Variants in MACF1 observed in about 807,000 individuals in gnomAD.
MACF1 encodes microtubule actin crosslinking factor 1, also known as microtubule-actin cross-linking factor 1.
Under a neutral mutation model 854.8 loss-of-function variants are expected in MACF1, and 193 were observed. That is an observed-to-expected ratio of 0.23 (90% CI 0.20 to 0.25). MACF1 has a LOEUF of 0.25. Ranked by LOEUF, MACF1 falls within the 10% of genes least tolerant of loss-of-function variation. The pLI, the probability that MACF1 is intolerant of heterozygous loss-of-function variation, is 1.00. For missense variants in MACF1, 7,722 were observed against 8,929.1 expected (o/e 0.86, Z 5.45); for synonymous variants, 3,185 against 3,226.7 (o/e 0.99, Z 0.44).
In MACF1 at chr1:39,378,526, G is replaced by A. The variant is rs757054952; in HGVS notation, c.13276+3G>A. 8 of 1,613,498 alleles carry A rather than the reference G, an allele frequency of 5.0e-6. No individual in the cohort carries two copies. The highest frequency in any genetic ancestry group is 6.8e-6 in the Non-Finnish European group (8 of 1,179,444). On this transcript the variant is annotated splice_donor_region_variant and intron_variant, in intron 53 of 100. Transcript: ENST00000564288. ...AAACGGATACCACACCTGCAAAGGT[G>A]AGAATGCCATTTCAACAGTGCTTCT...
chr1:39,299,344 C>CA, intron 21 of MACF1: 1 of 453,570 alleles, frequency 2.2e-6, no homozygotes, highest in Non-Finnish European at 4.4e-6. Context: ...TCTTTACTCT[C>CA]ATCGCATCTA....
intron 2 of MACF1, among the ~76,000 whole-genome samples, chr1:39,120,597 C>T (rs376228364): frequency 8.6e-5 from 13 of 152,000 alleles, no homozygotes; most frequent in Non-Finnish European, 1.2e-4. Flanking sequence ...CTCCTGACCT[C>T]GTGATCTGCC....
chr1:39,218,771 ATT>A (rs57667395), intron 1 of MACF1, among the ~76,000 whole-genome samples: 17,437 of 151,948 alleles, frequency 0.11, 2,222 homozygotes, highest in African/African-American at 0.32. Context: ...AATAAGGTAA[ATT>A]TTTGTTTTGT....
intron 2 of MACF1, among the ~76,000 whole-genome samples, chr1:39,146,360 T>C (rs1643463503): frequency 6.6e-6 from 1 of 151,782 alleles, no homozygotes; most frequent in African/African-American, 2.4e-5. Context: ...GGAGAATTGC[T>C]TGAACCTGGA....
At chr1:39,366,181 A>G (rs190281205) in intron 49 of MACF1, among the ~76,000 whole-genome samples, 1 of 152,350 alleles carries the variant, frequency 6.6e-6, no homozygotes, top group Admixed American at 6.5e-5. Context: ...TTAGTTCTAG[A>G]GAAGTTAGCA....
intron 2 of MACF1, among the ~76,000 whole-genome samples, chr1:39,177,967 C>G (rs1233297434): frequency 6.6e-6 from 1 of 151,912 alleles, no homozygotes; most frequent in Non-Finnish European, 1.5e-5. Context: ...GTAGTTATTT[C>G]AATCAAGTTG....
chr1:39,387,396 G>A lies in MACF1; in HGVS notation c.14554G>A (p.Val4852Met). Residue 4852 changes from valine (V) to methionine (M), a missense_variant, in exon 58 of 101, where the codon GTG (valine) becomes ATG (methionine). Coordinates refer to ENST00000564288, the MANE Select transcript of MACF1 (RefSeq NM_001394062.1). Reference protein sequence around the residue: ...SLNQHSGSYEVIVAEGESLLL... With the variant: ...SLNQHSGSYEMIVAEGESLLL... ...TAATCAACACAGTGGCTCCTATGAG[G>A]TGATTGTGGCTGAAGGGGAATCTCT... 1.2e-6 allele frequency: 2 copies of A among 1,614,214 alleles called. No individual in the cohort carries two copies. Among genetic ancestry groups the A allele is most frequent in the Non-Finnish European group, 1.7e-6 (2 of 1,180,048 alleles).
At chr1:39,181,108 ACGT>A in intron 2 of MACF1, among the ~76,000 whole-genome samples, 1 of 152,210 alleles carries the variant, frequency 6.6e-6, no homozygotes, top group South Asian at 2.1e-4. Context: ...GGATTTTGCC[ACGT>A]TGTCCAGGCT....
chr1:39,454,322 G>A (rs566545129), intron 88 of MACF1, among the ~76,000 whole-genome samples: 2 of 152,288 alleles, frequency 1.3e-5, no homozygotes, highest in Non-Finnish European at 2.9e-5. Flanking sequence ...CCAATTATAG[G>A]CCTTGAGTAT....
intron 23 of MACF1, among the ~76,000 whole-genome samples, chr1:39,308,815 C>T (rs891538201): frequency 6.6e-6 from 1 of 152,048 alleles, no homozygotes; most frequent in Non-Finnish European, 1.5e-5. Context: ...ACCACCACAC[C>T]TGGCTAATTT....
rs372867671 is a variant in MACF1, at chr1:39,105,118, G to A, written c.220+20680G>A. The stretch of plus-strand genomic sequence containing the variant: ...TGACGCGCGGGGCCTCCCACCCAGC[G>A]GGACTCCCGCGTGGGCCGGCCTCTC... On this transcript the variant is annotated intron_variant, in intron 2 of 93. Coordinates refer to the MACF1 transcript ENST00000361689. This position sits in a 1 kb window ranked among gnomAD's most constrained non-coding sequence, Gnocchi z 5.9. Among the ~76,000 whole-genome samples the A allele has an allele frequency of 5.1e-4, 78 of 152,080 alleles. No homozygotes were observed. The East Asian group carries it at 0.014, about 27-fold the overall frequency.
intron 58 of MACF1, chr1:39,412,100 A>G (rs1643035646): frequency 3.1e-6 from 5 of 1,613,354 alleles, no homozygotes; most frequent in Non-Finnish European, 4.2e-6. Context: ...AGGGTTTCTC[A>G]TGAAGAAAAA....
intron 58 of MACF1, among the ~76,000 whole-genome samples, chr1:39,404,043 C>T (rs111901368): frequency 0.035 from 5,294 of 151,850 alleles, 293 homozygotes; most frequent in African/African-American, 0.12. Flanking sequence ...GCAGGAGAAT[C>T]GCTTGAACTT....
At chr1:39,247,352 T>C (rs905307382) in intron 2 of MACF1, among the ~76,000 whole-genome samples, 2 of 152,152 alleles carry the variant, frequency 1.3e-5, no homozygotes, top group Non-Finnish European at 2.9e-5. Flanking sequence ...ATTACAGGTG[T>C]GAGCCACTGC....
intron 1 of MACF1, chr1:39,215,249 C>T (rs1644562165): frequency 6.6e-6 from 1 of 152,556 alleles, no homozygotes; most frequent in African/African-American, 2.4e-5. Context: ...TCTGCTGTCT[C>T]CTCTCTACAC....
chr1:39,162,494 G>A (rs953937305), intron 2 of MACF1, among the ~76,000 whole-genome samples: 3 of 151,746 alleles, frequency 2.0e-5, no homozygotes, highest in Non-Finnish European at 2.9e-5. Context: ...CTTTCCTTCC[G>A]TAAGTTTTGT....
chr1:39,287,384 C>T lies in MACF1; in HGVS notation c.1607C>T (p.Ser536Phe). The change falls in exon 15 of 101, where the codon TCT becomes TTT. Residue 536 changes from serine to phenylalanine, a missense_variant. By Grantham distance (155) the Ser-to-Phe change is radical. Around this residue, in one of 15 missense-constraint regions of MACF1, gnomAD observed 1,137 missense variants for 1,263.0 expected, o/e 0.90. Coordinates refer to ENST00000564288, the MANE Select transcript of MACF1 (RefSeq NM_001394062.1). ...HFTSLELVPP[S>F]TLTTTHLKAE... ...ACTTCACTTGAATTGGTTCCACCCT[C>T]TACTTTAACCACCACTCATCTGAAA... 6.2e-7 allele frequency: 1 copy of T among 1,614,190 alleles called. No homozygotes were observed. Among genetic ancestry groups the T allele is most frequent in the Non-Finnish European group, 8.5e-7 (1 of 1,180,022 alleles).
Position 39,459,149 on chromosome 1 carries a change from A to T in MACF1, c.21260A>T (p.Asn7087Ile). 3 of 1,613,984 alleles carry T rather than the reference A, an allele frequency of 1.9e-6. No individual in the cohort carries two copies. Among genetic ancestry groups the T allele is most frequent in the Non-Finnish European group, 2.5e-6 (3 of 1,179,998 alleles). The change falls in exon 91 of 101, where the codon AAC (asparagine) becomes ATC (isoleucine). Residue 7087 changes from asparagine to isoleucine, a missense_variant. Transcript: ENST00000564288. ...ATCCTTTCACAGTCTGAAGCAAAAA[A>T]CCCACGGATCAACCAGCTTTCTGCC... is the stretch of plus-strand genomic sequence containing the variant. Reference protein sequence around the residue: ...MPILSQSEAKNPRINQLSARW... With the variant: ...MPILSQSEAKIPRINQLSARW...
chr1:39,284,908 CTTT>C (rs1645614898), intron 11 of MACF1, among the ~76,000 whole-genome samples, 172 bp from the exon 12 acceptor site: 1 of 152,168 alleles, frequency 6.6e-6, no homozygotes, highest in Non-Finnish European at 1.5e-5. Flanking sequence ...CTTTTCTGCT[CTTT>C]AACTCAAGGG....
Sources: allele counts gnomAD v4.1 joint callset (sites outside exome capture counted in the v4.1 genomes callset), GRCh38; gene constraint gnomAD v4.1.1; regional missense constraint gnomAD v4.1.1; non-coding constraint Gnocchi (gnomAD v3.1); transcripts MANE v1.5; gene names NCBI Gene and HGNC (gene_info 2026-07-23, HGNC 2026-07-21).